The following UXS1 variants were observed in gnomAD, a reference collection of about 807,000 sequenced individuals.
UXS1 encodes UDP-glucuronic acid decarboxylase 1.
UXS1 carries 33 observed loss-of-function variants against 62.6 expected under a neutral mutation model. That is an observed-to-expected ratio of 0.53 (90% confidence interval 0.40 to 0.70). The LOEUF is 0.70. Ranked by LOEUF, UXS1 falls within the 30% of genes least tolerant of loss-of-function variation. The pLI, the probability that UXS1 is intolerant of heterozygous loss-of-function variation, is 0.00. For missense variants in UXS1, 434 were observed against 556.3 expected (o/e 0.78, Z 2.21); for synonymous variants, 213 against 206.8 (o/e 1.03, Z -0.26).
chr2:106,107,062 G>C lies in UXS1; in HGVS notation c.880-2225C>G, dbSNP rs141007481. Among the ~76,000 whole-genome samples the C allele has an allele frequency of 9.4e-4, 143 of 152,220 alleles. 1 individual carries two copies. In the East Asian group the frequency reaches 0.011, roughly 11 times the overall value. ...TCCAACCTCACTGTAGTGAGTATCG[G>C]ATTTAGGCAACTCCCGCGTCACAGG... is the stretch of plus-strand genomic sequence containing the variant. On this transcript the variant is annotated intron_variant, in intron 10 of 14. Transcript: ENST00000283148.
chr2:106,120,532 G>A (rs2104914273), intron 9 of UXS1, among the ~76,000 whole-genome samples: 1 of 152,330 alleles, frequency 6.6e-6, no homozygotes, highest in South Asian at 2.1e-4. Context: ...CTGGGCAGAT[G>A]CAAACCCTCA....
intron 10 of UXS1, among the ~76,000 whole-genome samples, chr2:106,108,958 CACCCTCGACATCT>C (rs764834758): frequency 4.8e-5 from 7 of 144,770 alleles, no homozygotes; most frequent in Admixed American, 3.4e-4. Flanking sequence ...GATATCTGAT[CACCCTCGACATCT>C]GACATTCCTC....
intron 13 of UXS1, 53 bp from the exon 14 acceptor site, chr2:106,096,874 G>T (rs775883920): frequency 6.6e-7 from 1 of 1,518,700 alleles, no homozygotes; most frequent in African/African-American, 1.4e-5. Flanking sequence ...GCATGGGTAA[G>T]CACAGCCTTA....
At chr2:106,155,536 A>C (rs1429244258) in intron 5 of UXS1, among the ~76,000 whole-genome samples, 4 of 152,196 alleles carry the variant, frequency 2.6e-5, no homozygotes, top group African/African-American at 9.7e-5. Flanking sequence ...GATGAACACA[A>C]ATACTTATCT....
intron 5 of UXS1, among the ~76,000 whole-genome samples, chr2:106,153,418 G>A (rs939849762): frequency 7.2e-5 from 11 of 152,170 alleles, no homozygotes; most frequent in African/African-American, 2.4e-4. Context: ...CATCATCCCA[G>A]GGGGTTTGGC....
intron 7 of UXS1, among the ~76,000 whole-genome samples, chr2:106,126,864 C>T (rs1465427428): frequency 2.0e-5 from 3 of 152,168 alleles, no homozygotes; most frequent in African/African-American, 7.2e-5. Flanking sequence ...GCATTTCCAT[C>T]TCCACCAGGA....
At chr2:106,153,039 C>A (rs1682157919) in intron 5 of UXS1, among the ~76,000 whole-genome samples, 1 of 152,120 alleles carries the variant, frequency 6.6e-6, no homozygotes. Flanking sequence ...AAGAGAAAGT[C>A]AAATATAAGG....
intron 9 of UXS1, 59 bp from the exon 10 acceptor site, chr2:106,112,824 T>A: frequency 6.4e-7 from 1 of 1,569,638 alleles, no homozygotes; most frequent in Non-Finnish European, 8.7e-7. Context: ...CGCATCCACT[T>A]TGCATTTCCA....
At chr2:106,186,492 G>A (rs559125643) in intron 1 of UXS1, among the ~76,000 whole-genome samples, 35 of 141,194 alleles carry the variant, frequency 2.5e-4, no homozygotes, top group Admixed American at 5.7e-4. Context: ...ATGAATATAC[G>A]TAAATATGTA....
intron 1 of UXS1, among the ~76,000 whole-genome samples, chr2:106,171,785 T>C (rs1474931061): frequency 1.3e-5 from 2 of 152,250 alleles, no homozygotes; most frequent in Non-Finnish European, 2.9e-5. Context: ...TCTCAGTCAT[T>C]CCGATCACTA....
intron 6 of UXS1, chr2:106,138,567 G>C (rs918745766): frequency 7.1e-6 from 7 of 985,398 alleles, no homozygotes; most frequent in African/African-American, 3.5e-5. Flanking sequence ...GCCCAGGCCA[G>C]TTTGGGAACA....
intron 11 of UXS1, chr2:106,101,348 G>A: frequency 1.9e-6 from 1 of 525,424 alleles, no homozygotes; most frequent in Non-Finnish European, 3.3e-6. Context: ...CTTTTTTTGG[G>A]TGTGGTGGAG....
chr2:106,179,043 G>A (rs1268765718), intron 1 of UXS1, among the ~76,000 whole-genome samples: 1 of 152,120 alleles, frequency 6.6e-6, no homozygotes, highest in East Asian at 1.9e-4. Flanking sequence ...CCTTTGCTCT[G>A]TGCAGCAAAG....
chr2:106,108,751 G>T (rs747758522), intron 10 of UXS1, among the ~76,000 whole-genome samples: 1 of 152,156 alleles, frequency 6.6e-6, no homozygotes, highest in Admixed American at 6.5e-5. Context: ...GAGGGGCAGC[G>T]AGGAGCTCTC....
chr2:106,106,086 C>A (rs1278234636), intron 10 of UXS1, among the ~76,000 whole-genome samples: 1 of 152,110 alleles, frequency 6.6e-6, no homozygotes, highest in Admixed American at 6.5e-5. Flanking sequence ...CACGCATGGC[C>A]TGGCGCGGTG....
At chr2:106,143,953 G>T (rs1681355813) in intron 6 of UXS1, among the ~76,000 whole-genome samples, 1 of 152,128 alleles carries the variant, frequency 6.6e-6, no homozygotes, top group Non-Finnish European at 1.5e-5. Flanking sequence ...ACTATGTGGG[G>T]GCACACCCAG....
chr2:106,111,524 C>T (rs565801527), intron 10 of UXS1, among the ~76,000 whole-genome samples: 16 of 152,198 alleles, frequency 1.1e-4, no homozygotes, highest in Non-Finnish European at 1.8e-4. Context: ...CAAGGAGACA[C>T]ACACCACGGA....
intron 12 of UXS1, among the ~76,000 whole-genome samples, chr2:106,099,658 T>G (rs545877216): frequency 6.6e-6 from 1 of 152,154 alleles, no homozygotes; most frequent in Non-Finnish European, 1.5e-5. Context: ...GAACATGGTA[T>G]CTACAGAGAA....
intron 1 of UXS1, among the ~76,000 whole-genome samples, chr2:106,180,752 G>T (rs1684189921): frequency 6.6e-6 from 1 of 152,148 alleles, no homozygotes; most frequent in South Asian, 2.1e-4. Flanking sequence ...AAAAATTCCA[G>T]ACCACTTCTG....
Sources: gnomAD v4.1 joint callset for allele counts (sites outside exome capture counted in the v4.1 genomes callset) on GRCh38, gnomAD v4.1.1 for gene constraint, MANE v1.5 for transcripts, NCBI Gene and HGNC (gene_info 2026-07-23, HGNC 2026-07-21) for gene names.